The following SH3KBP1 variants were observed in gnomAD, a reference collection of about 807,000 sequenced individuals.
SH3KBP1 encodes the protein SH3 domain-containing kinase-binding protein 1.
A neutral mutation model predicts 50.1 loss-of-function variants in SH3KBP1; 8 were observed. That is an observed-to-expected ratio of 0.16 (90% CI 0.09 to 0.29). The LOEUF is 0.29. Ranked by LOEUF, SH3KBP1 falls within the 10% of genes least tolerant of loss-of-function variation. SH3KBP1 has a pLI of 1.00. For missense variants in SH3KBP1, 377 were observed against 535.2 expected (o/e 0.70, Z 2.92); for synonymous variants, 227 against 218.6 (o/e 1.04, Z -0.34).
chrX:19,679,187 C>G (rs983797770), intron 6 of SH3KBP1, among the ~76,000 whole-genome samples: 1 of 111,636 alleles, frequency 9.0e-6, no homozygotes, highest in African/African-American at 3.3e-5. Flanking sequence ...CAGCACAACA[C>G]TGTGTTCTCA....
intron 12 of SH3KBP1, among the ~76,000 whole-genome samples, chrX:19,572,410 C>T (rs1384961241): frequency 2.3e-5 from 2 of 85,561 alleles, no homozygotes; most frequent in Non-Finnish European, 4.2e-5. Flanking sequence ...ATATATAGTA[C>T]ATACATGTTA....
chrX:19,534,532 G>C lies in SH3KBP1; in HGVS notation c.*1885C>G. 1 of 190,233 alleles carries C rather than the reference G, an allele frequency of 5.3e-6. No homozygotes were observed. The allele number at this position is 190,233 out of a possible 1,213,427, so 15.7% of individuals were successfully genotyped here. On this transcript the variant is annotated 3_prime_UTR_variant, in exon 18 of 18. Coordinates refer to ENST00000397821, the MANE Select transcript of SH3KBP1 (RefSeq NM_031892.3). ...ATCTGCATTCTTAGATCATTAGGTC[G>C]TGGGGAATCTCTGGAATCTTCAAGT...
intron 2 of SH3KBP1, among the ~76,000 whole-genome samples, chrX:19,827,363 CT>C (rs1244425656): frequency 8.9e-6 from 1 of 111,763 alleles, no homozygotes; most frequent in Non-Finnish European, 1.9e-5. Context: ...CTTTTAACCC[CT>C]ATCATAGCTT....
At chrX:19,641,581 G>T (rs1234178137) in intron 7 of SH3KBP1, among the ~76,000 whole-genome samples, 1 of 111,857 alleles carries the variant, frequency 8.9e-6, no homozygotes, top group Admixed American at 9.4e-5. Flanking sequence ...TTCTAGCATT[G>T]CATCTCATCG....
intron 2 of SH3KBP1, among the ~76,000 whole-genome samples, chrX:19,757,562 CAAAA>C (rs35710169): frequency 3.8e-5 from 3 of 78,456 alleles, no homozygotes. Context: ...TATCTTATGT[CAAAA>C]AAAAAAAAAA....
rs1423835888 is a variant in SH3KBP1 at position 19,668,973 on chromosome X, TA to T, written c.726+14849del. ...ATATATATATATATATATATATATA[TA>T]TTTTTTGAGACAGGCTGTCACTCTG... On this transcript the variant is annotated intron_variant, in intron 6 of 17. Coordinates refer to ENST00000397821, the MANE Select transcript of SH3KBP1 (RefSeq NM_031892.3). Among the ~76,000 whole-genome samples the T allele has an allele frequency of 3.7e-3, 244 of 66,512 alleles. 1 individual carries two copies. Among genetic ancestry groups the T allele is most frequent in the South Asian group, 0.018 (25 of 1,369 alleles). 57.8% of individuals were successfully genotyped at this position (66,512 alleles called of 115,157 possible). A position where few individuals can be genotyped will look rare whatever the true frequency, so the allele number is the denominator to read the frequency against.
chrX:19,813,567 A>G (rs766432126), intron 2 of SH3KBP1, among the ~76,000 whole-genome samples: 1 of 112,040 alleles, frequency 8.9e-6, no homozygotes. Context: ...GCTGCACAGC[A>G]GGTCTCCAGA....
intron 2 of SH3KBP1, chrX:19,799,552 C>T: frequency 1.0e-6 from 1 of 1,000,357 alleles, no homozygotes; most frequent in South Asian, 1.9e-5. Flanking sequence ...ATGCCTCCCT[C>T]CTGGCCTACA....
chrX:19,633,566 A>G (rs1281125647), intron 7 of SH3KBP1, among the ~76,000 whole-genome samples: 1 of 112,403 alleles, frequency 8.9e-6, no homozygotes, highest in Non-Finnish European at 1.9e-5. Flanking sequence ...GTGAAATATG[A>G]CTGCCAATCT....
rs183830678 is a variant in SH3KBP1, at chrX:19,571,113, A to C, written c.1299-1925T>G. On this transcript the variant is annotated intron_variant, in intron 12 of 17. Coordinates refer to ENST00000397821, the MANE Select transcript of SH3KBP1 (RefSeq NM_031892.3). ...CCTCCACCGCAGGAGGGGCAGGGGT[A>C]AGAATACCAGGGACCAGGCCTAGGC... Among the ~76,000 whole-genome samples, 4 of 112,399 alleles carry C rather than the reference A, an allele frequency of 3.6e-5. No individual in the cohort carries two copies. The East Asian group carries it at 8.5e-4, about 24-fold the overall frequency.
chrX:19,885,537 G>T (rs2069564189), intron 1 of SH3KBP1, among the ~76,000 whole-genome samples: 1 of 111,791 alleles, frequency 8.9e-6, no homozygotes, highest in Non-Finnish European at 1.9e-5. Context: ...TCTGAAGAAT[G>T]AAAACAGTTC....
chrX:19,642,406 C>T (rs777870193), intron 7 of SH3KBP1, among the ~76,000 whole-genome samples: 47 of 111,589 alleles, frequency 4.2e-4, no homozygotes, highest in Middle Eastern at 4.6e-3. Flanking sequence ...ATTGCAAAGG[C>T]GGTATGAGTG....
intron 2 of SH3KBP1, among the ~76,000 whole-genome samples, chrX:19,794,499 C>T (rs1039395960): frequency 2.7e-5 from 3 of 110,361 alleles, no homozygotes; most frequent in South Asian, 3.8e-4. Flanking sequence ...GTCAGGAGAT[C>T]GAGACCATCC....
intron 2 of SH3KBP1, among the ~76,000 whole-genome samples, chrX:19,832,073 T>C (rs769261207): frequency 1.8e-5 from 2 of 112,384 alleles, no homozygotes; most frequent in African/African-American, 3.2e-5. Flanking sequence ...TCTGAAAGAA[T>C]AGAAGTTTCT....
chrX:19,646,096 G>T (rs1446642204), intron 6 of SH3KBP1, among the ~76,000 whole-genome samples: 1 of 111,770 alleles, frequency 8.9e-6, no homozygotes, highest in African/African-American at 3.3e-5. Context: ...AGGCAAAAAT[G>T]AGTCCACCAA....
intron 3 of SH3KBP1, among the ~76,000 whole-genome samples, chrX:19,710,933 A>C (rs759612392): frequency 2.7e-5 from 3 of 111,724 alleles, no homozygotes; most frequent in Non-Finnish European, 3.8e-5. Flanking sequence ...TAAAATAGTA[A>C]CATTTATTGA....
chrX:19,722,564 G>A (rs1204807911), intron 3 of SH3KBP1, among the ~76,000 whole-genome samples: 3 of 93,451 alleles, frequency 3.2e-5, no homozygotes, highest in East Asian at 6.8e-4. Context: ...GTGCGCGTGC[G>A]CACTGGTGTG....
At chrX:19,742,458 A>G (rs1281315406) in intron 3 of SH3KBP1, among the ~76,000 whole-genome samples, 1 of 111,780 alleles carries the variant, frequency 8.9e-6, no homozygotes, top group Non-Finnish European at 1.9e-5. Flanking sequence ...CAAATGGACA[A>G]AAATCCACTG....
At chrX:19,819,482 C>T (rs1398002491) in intron 2 of SH3KBP1, among the ~76,000 whole-genome samples, 1 of 110,784 alleles carries the variant, frequency 9.0e-6, no homozygotes, top group Non-Finnish European at 1.9e-5. Context: ...CACAGGCATG[C>T]ACCACCACGT....
Sources: allele counts gnomAD v4.1 joint callset (sites outside exome capture counted in the v4.1 genomes callset), GRCh38; gene constraint gnomAD v4.1.1; transcripts MANE v1.5; gene names NCBI Gene and HGNC (gene_info 2026-07-23, HGNC 2026-07-21).